Variants in NLGN1 observed in about 807,000 individuals in gnomAD.
The protein encoded by NLGN1 is neuroligin-1.
A neutral mutation model predicts 65.5 loss-of-function variants in NLGN1; 12 were observed. That is an observed-to-expected ratio of 0.18 (90% CI 0.12 to 0.30). The LOEUF is 0.30. Ranked by LOEUF, NLGN1 falls within the 10% of genes least tolerant of loss-of-function variation. NLGN1 has a pLI of 1.00. For missense variants in NLGN1, 750 were observed against 1,007.1 expected (o/e 0.74, Z 3.46); for synonymous variants, 350 against 359.5 (o/e 0.97, Z 0.30).
chr3:174,084,916 A>ACC (rs1214300801), intron 4 of NLGN1, among the ~76,000 whole-genome samples: 1 of 152,022 alleles, frequency 6.6e-6, no homozygotes, highest in Non-Finnish European at 1.5e-5. Context: ...GGAAGACTGA[A>ACC]CCATAATTCT....
intron 4 of NLGN1, among the ~76,000 whole-genome samples, chr3:174,260,468 C>A (rs1421283767): frequency 6.6e-6 from 1 of 151,928 alleles, no homozygotes; most frequent in Non-Finnish European, 1.5e-5. Flanking sequence ...TGTTTTTTGG[C>A]TGCATAAATG....
intron 4 of NLGN1, among the ~76,000 whole-genome samples, chr3:173,993,891 C>T (rs1358035761): frequency 6.6e-6 from 1 of 151,402 alleles, no homozygotes; most frequent in Non-Finnish European, 1.5e-5. Flanking sequence ...TATTTATATA[C>T]ATATACACAC....
At chr3:173,780,776 G>A (rs1326499737) in intron 3 of NLGN1, among the ~76,000 whole-genome samples, 2 of 152,144 alleles carry the variant, frequency 1.3e-5, no homozygotes, top group East Asian at 3.8e-4. Flanking sequence ...TTTATTATAT[G>A]TTAAACAGCA....
At chr3:174,143,862 AT>A (rs1257443500) in intron 4 of NLGN1, among the ~76,000 whole-genome samples, 1 of 152,006 alleles carries the variant, frequency 6.6e-6, no homozygotes, top group Non-Finnish European at 1.5e-5. Context: ...TAGTGTACCA[AT>A]TTTTTTTAAT....
At chr3:174,133,916 A>ACG (rs1382431010) in intron 4 of NLGN1, among the ~76,000 whole-genome samples, 1 of 150,204 alleles carries the variant, frequency 6.7e-6, no homozygotes. Context: ...ACACACACAC[A>ACG]CACACACACA....
intron 3 of NLGN1, among the ~76,000 whole-genome samples, chr3:173,778,907 A>G (rs1204227125): frequency 1.3e-5 from 2 of 151,520 alleles, no homozygotes; most frequent in African/African-American, 4.8e-5. Context: ...CAGTGGTAAA[A>G]TTTTTCTTAC....
intron 2 of NLGN1, among the ~76,000 whole-genome samples, chr3:173,492,386 A>T (rs1729322758): frequency 6.6e-6 from 1 of 151,782 alleles, no homozygotes; most frequent in Non-Finnish European, 1.5e-5. Context: ...TAATTCATTT[A>T]TGGTTAGGGT....
intron 3 of NLGN1, among the ~76,000 whole-genome samples, chr3:173,758,343 C>G (rs1777445936): frequency 6.6e-6 from 1 of 151,944 alleles, no homozygotes; most frequent in East Asian, 1.9e-4. Flanking sequence ...CAAACTGAGA[C>G]AATGGACATA....
chr3:174,124,170 C>T (rs575701289), intron 4 of NLGN1, among the ~76,000 whole-genome samples: 1 of 152,238 alleles, frequency 6.6e-6, no homozygotes, highest in Admixed American at 6.5e-5. Context: ...TAATCTTAAA[C>T]TTCCCAGCCT....
At chr3:173,605,901 A>C (rs10936761) in intron 3 of NLGN1, among the ~76,000 whole-genome samples, 19,827 of 152,084 alleles carry the variant, frequency 0.13, 1,939 homozygotes, top group East Asian at 0.42. Context: ...GCAAGGAACC[A>C]AAACAATGCT....
chr3:174,015,748 C>T (rs1262677288), intron 4 of NLGN1, among the ~76,000 whole-genome samples: 1 of 152,064 alleles, frequency 6.6e-6, no homozygotes, highest in Non-Finnish European at 1.5e-5. Flanking sequence ...GGTTATTACA[C>T]CAATTAACAA....
intron 4 of NLGN1, among the ~76,000 whole-genome samples, chr3:174,039,294 T>C (rs1731779437): frequency 6.6e-6 from 1 of 152,116 alleles, no homozygotes; most frequent in Admixed American, 6.6e-5. Flanking sequence ...CCAGGATGCA[T>C]GTCCAGAACG....
intron 2 of NLGN1, among the ~76,000 whole-genome samples, chr3:173,505,577 G>C (rs1048617960): frequency 1.3e-5 from 2 of 151,980 alleles, no homozygotes; most frequent in South Asian, 2.1e-4. Flanking sequence ...TTGGTATACT[G>C]TTCCTTGGTA....
At chr3:173,911,925 C>T (rs922517976) in intron 4 of NLGN1, among the ~76,000 whole-genome samples, 5 of 151,882 alleles carry the variant, frequency 3.3e-5, no homozygotes, top group South Asian at 2.1e-4. Flanking sequence ...CTATCTATGC[C>T]GATAGAGTTG....
chr3:174,086,830 A>G (rs1450314281), intron 4 of NLGN1, among the ~76,000 whole-genome samples: 2 of 152,112 alleles, frequency 1.3e-5, no homozygotes, highest in Non-Finnish European at 2.9e-5. Flanking sequence ...TCTCTACAAA[A>G]TCGTTTGTGT....
intron 4 of NLGN1, among the ~76,000 whole-genome samples, chr3:174,051,860 A>G (rs531821319): frequency 3.8e-4 from 57 of 151,990 alleles, no homozygotes; most frequent in Non-Finnish European, 7.2e-4. Context: ...CTTTGCTCTA[A>G]TTTTCCGTTT....
At chr3:173,532,608 G>A (rs1006858075) in intron 2 of NLGN1, among the ~76,000 whole-genome samples, 1 of 152,152 alleles carries the variant, frequency 6.6e-6, no homozygotes, top group Non-Finnish European at 1.5e-5. Context: ...AATAAGCAAA[G>A]TCCGATAGAG....
chr3:173,907,983 G>A (rs1041297857), intron 4 of NLGN1, among the ~76,000 whole-genome samples: 2 of 152,202 alleles, frequency 1.3e-5, no homozygotes, highest in Admixed American at 1.3e-4. Context: ...GCCTCCCAAA[G>A]TGCTGGCATT....
At chr3:173,508,570 G>C (rs1019099116) in intron 2 of NLGN1, among the ~76,000 whole-genome samples, 2 of 152,124 alleles carry the variant, frequency 1.3e-5, no homozygotes. Flanking sequence ...AGAGGTACGT[G>C]ACTCTTCCCG....
Sources: allele counts gnomAD v4.1 joint callset (sites outside exome capture counted in the v4.1 genomes callset), GRCh38; gene constraint gnomAD v4.1.1; transcripts MANE v1.5; gene names NCBI Gene and HGNC (gene_info 2026-07-23, HGNC 2026-07-21).